The following HLA-DOA variants were observed in gnomAD, a reference collection of about 807,000 sequenced individuals.
The protein encoded by HLA-DOA is major histocompatibility complex, class II, DO alpha.
HLA-DOA carries 27 observed loss-of-function variants against 22.9 expected under a neutral mutation model. That is an observed-to-expected ratio of 1.18 (90% CI 0.87 to 1.62). The LOEUF (loss-of-function observed/expected upper bound fraction) is 1.62, where lower values mean the gene tolerates loss of function less well. HLA-DOA is among the 40% of genes most tolerant of loss of function. HLA-DOA has a pLI of 0.00. For synonymous variants in HLA-DOA, 137 were observed against 138.6 expected (o/e 0.99, Z 0.08); for missense variants, 324 against 332.4 (o/e 0.97, Z 0.20).
rs1197028110 is a variant in HLA-DOA, at chr6:33,004,409, A to G, written c.*2429T>C. ...CCGGGGCTGAGTGCTTGGCAGCCAC[A>G]TTTGTGTTGAGATCTTGATTCCTGC... is the stretch of plus-strand genomic sequence containing the variant. On this transcript the variant is annotated 3_prime_UTR_variant, in exon 5 of 5. Coordinates refer to ENST00000229829, the MANE Select transcript of HLA-DOA (RefSeq NM_002119.4). 3 of 152,210 alleles carry G rather than the reference A, an allele frequency of 2.0e-5. No homozygotes were observed. Among genetic ancestry groups the G allele is most frequent in the Non-Finnish European group, 4.4e-5 (3 of 68,052 alleles). The allele number at this position is 152,210 out of a possible 1,614,324, so 9.4% of individuals were successfully genotyped here. A position where few individuals can be genotyped will look rare whatever the true frequency, so the allele number is the denominator to read the frequency against.
At chr6:33,008,579 G>A (rs1780929213) in intron 1 of HLA-DOA, among the ~76,000 whole-genome samples, 2 of 152,214 alleles carry the variant, frequency 1.3e-5, no homozygotes, top group South Asian at 2.1e-4. Flanking sequence ...CCCTGGCTGT[G>A]TTGTCAGGCC....
chr6:33,009,029 G>C lies in HLA-DOA; in HGVS notation c.82+426C>G, dbSNP rs183277473. Among the ~76,000 whole-genome samples the C allele has an allele frequency of 2.0e-5, 3 of 152,254 alleles. No individual in the cohort carries two copies. The East Asian group carries it at 5.8e-4, about 29-fold the overall frequency. Reference sequence around the variant, plus strand: ...AAAAAGATGAACCATCTGTAGACCCGCACCCCAGCTCATGTCTCCCGAAGA... The same window carrying C: ...AAAAAGATGAACCATCTGTAGACCCCCACCCCAGCTCATGTCTCCCGAAGA... On this transcript the variant is annotated intron_variant, in intron 1 of 4. Transcript: ENST00000229829. The surrounding 1 kb of genome is among the most constrained non-coding windows in gnomAD (Gnocchi z 4.8).
At chr6:33,007,033 T>C in intron 4 of HLA-DOA, 47 bp downstream of exon 4, 3 of 1,579,216 alleles carry the variant, frequency 1.9e-6, no homozygotes, top group Non-Finnish European at 2.6e-6. Flanking sequence ...CTGTTCAGAG[T>C]CATCCACTTT....
Position 33,007,522 on chromosome 6 carries a change from G to A in HLA-DOA, c.402C>T (p.Ile134=), listed in dbSNP as rs965001798. 4.3e-6 allele frequency: 7 copies of A among 1,612,914 alleles called. No individual in the cohort carries two copies. The highest frequency in any genetic ancestry group is 2.7e-5 in the African/African-American group (2 of 74,950). Reference sequence around the variant, plus strand: ...TCACAGGGGGGAAGATGTTGTCCACGATGCAGATGAGGATGTTGGGCTGGC... The same window carrying A: ...TCACAGGGGGGAAGATGTTGTCCACAATGCAGATGAGGATGTTGGGCTGGC... ...ELGQPNILIC[I]VDNIFPPVIN... The change falls in exon 3 of 5, where the codon ATC becomes ATT. Residue 134 remains isoleucine, a synonymous_variant. Coordinates refer to ENST00000229829, the MANE Select transcript of HLA-DOA (RefSeq NM_002119.4).
At chr6:33,008,740 C>T (rs1014292031) in intron 1 of HLA-DOA, among the ~76,000 whole-genome samples, 1 of 151,908 alleles carries the variant, frequency 6.6e-6, no homozygotes, top group East Asian at 1.9e-4. Flanking sequence ...GGTTAGTGAC[C>T]CAGAGACCAA....
chr6:33,008,082 C>G lies in HLA-DOA; in HGVS notation c.262G>C (p.Gly88Arg), dbSNP rs774527905. ...ARFDPQGGLA[G>R]IAAIKAHLDI... ...AGATGGGCTTTGATTGCGGCGATGCCGGCCAGCCCGCCCTGCGGGTCAAAG... is the reference window on the plus strand; with the variant it reads ...AGATGGGCTTTGATTGCGGCGATGCGGGCCAGCCCGCCCTGCGGGTCAAAG... Residue 88 changes from glycine to arginine, a missense_variant, in exon 2 of 5, where the codon GGC becomes CGC. Coordinates refer to ENST00000229829, the MANE Select transcript of HLA-DOA (RefSeq NM_002119.4). 2 of 1,613,042 alleles carry G rather than the reference C, an allele frequency of 1.2e-6. No homozygotes were observed. Among genetic ancestry groups the G allele is most frequent in the East Asian group, 2.2e-5 (1 of 44,882 alleles).
Position 33,007,139 on chromosome 6 carries a change from C to CCG in HLA-DOA, c.689_690insCG (p.Phe232AlafsTer50). 1 of 1,613,938 alleles carries CCG rather than the reference C, an allele frequency of 6.2e-7. No homozygotes were observed. The highest frequency in any genetic ancestry group is 1.1e-5 in the South Asian group (1 of 91,086). On this transcript the variant is annotated frameshift_variant, in exon 4 of 5. Transcript: ENST00000229829. LOFTEE classifies it high-confidence loss of function. ...TGAGGACGGTGCCCACGAGGAAGCCCACCAGGCCGATGGCCAGGCCCAGGG... is the reference window on the plus strand; with the variant it reads ...TGAGGACGGTGCCCACGAGGAAGCCCCGACCAGGCCGATGGCCAGGCCCAGGG...
At position 33,005,852 on chromosome 6, in the gene HLA-DOA, A is replaced by G. The variant is rs1463657802; in HGVS notation, c.*986T>C. 6.6e-6 allele frequency: 1 copy of G among 152,276 alleles called. No homozygotes were observed. The highest frequency in any genetic ancestry group is 1.5e-5 in the Non-Finnish European group (1 of 68,148). The allele number at this position is 152,276 out of a possible 1,614,324, so 9.4% of individuals were successfully genotyped here. ...CCCCTTGGCCTCCCAAAGTGCTGGG[A>G]TTACAGGAATGAGCCACTGCACCAG... On this transcript the variant is annotated 3_prime_UTR_variant, in exon 5 of 5. Coordinates refer to ENST00000229829, the MANE Select transcript of HLA-DOA (RefSeq NM_002119.4).
chr6:33,006,418 G>A lies in HLA-DOA; in HGVS notation c.*420C>T. ...AGGAGGCAAATTTCATGAAGTCCATGTGAAATGGCTCATTCACAAAGTAAC... is the reference window on the plus strand; with the variant it reads ...AGGAGGCAAATTTCATGAAGTCCATATGAAATGGCTCATTCACAAAGTAAC... On this transcript the variant is annotated 3_prime_UTR_variant, in exon 5 of 5. Coordinates refer to ENST00000229829, the MANE Select transcript of HLA-DOA (RefSeq NM_002119.4). 3.4e-6 allele frequency: 1 copy of A among 292,710 alleles called. No individual in the cohort carries two copies. Among genetic ancestry groups the A allele is most frequent in the South Asian group, 5.4e-5 (1 of 18,360 alleles). 18.1% of individuals were successfully genotyped at this position (292,710 alleles called of 1,614,324 possible).
intron 2 of HLA-DOA, 104 bp downstream of exon 2, chr6:33,007,909 G>T: frequency 1.4e-6 from 2 of 1,397,128 alleles, no homozygotes; most frequent in Non-Finnish European, 1.9e-6. Flanking sequence ...CATGACAGGC[G>T]CGGGCGCTGA....
In HLA-DOA at chr6:33,005,799, T is replaced by C. The variant is rs1338304974; in HGVS notation, c.*1039A>G. The C allele has an allele frequency of 6.6e-6, 1 of 152,146 alleles. No individual in the cohort carries two copies. Among genetic ancestry groups the C allele is most frequent in the African/African-American group, 2.4e-5 (1 of 41,436 alleles). The allele number at this position is 152,146 out of a possible 1,614,324, so 9.4% of individuals were successfully genotyped here. A position where few individuals can be genotyped will look rare whatever the true frequency, so the allele number is the denominator to read the frequency against. ...TCTCTCTATGTAGCCCAAGATGGTT[T>C]CCACCTCTTGGCCTCAAGCAGTCCT... On this transcript the variant is annotated 3_prime_UTR_variant, in exon 5 of 5. Transcript: ENST00000229829.
Position 33,009,106 on chromosome 6 carries a change from G to C in HLA-DOA, c.82+349C>G, listed in dbSNP as rs1411288197. Among the ~76,000 whole-genome samples the C allele has an allele frequency of 6.6e-6, 1 of 152,194 alleles. No homozygotes were observed. Among genetic ancestry groups the C allele is most frequent in the Non-Finnish European group, 1.5e-5 (1 of 68,036 alleles). ...CGGCATGGGCATAAATACTGCAACA[G>C]AACTGGACTTGATCGGGCACATTCC... On this transcript the variant is annotated intron_variant, in intron 1 of 4. Transcript: ENST00000229829. This position sits in a 1 kb window ranked among gnomAD's most constrained non-coding sequence, Gnocchi z 4.8.
rs753401888 is a variant in HLA-DOA at position 33,006,841 on chromosome 6, C to T, written c.750G>A (p.Arg250=). Residue 250 remains arginine, a splice_region_variant and synonymous_variant, in exon 5 of 5, where the codon AGG becomes AGA. Transcript: ENST00000229829. The stretch of plus-strand genomic sequence containing the variant: ...GTCATTTCTCTCAGAAGGATCATTA[C>T]CTAAAATAGCAGAAAACATACGATC... ...IMGTYVSSVP[R] is the part of the protein sequence containing the mutation. The T allele has an allele frequency of 7.5e-6, 12 of 1,610,596 alleles. No individual in the cohort carries two copies. In the South Asian group the frequency reaches 1.3e-4, roughly 18 times the overall value.
At chr6:33,008,285 A>T (rs1466291173) in intron 1 of HLA-DOA, 24 bp from the exon 2 acceptor site, 5 of 1,604,942 alleles carry the variant, frequency 3.1e-6, no homozygotes, top group Non-Finnish European at 4.3e-6. Context: ...GTTCAGGGTC[A>T]AGGAGAGAGA....
At chr6:33,008,411 G>C in intron 1 of HLA-DOA, 150 bp from the exon 2 acceptor site, 1 of 1,446,382 alleles carries the variant, frequency 6.9e-7, no homozygotes, top group Non-Finnish European at 9.0e-7. Flanking sequence ...GGCCCTGGGA[G>C]AGAGAAAGGG....
In HLA-DOA at chr6:33,006,569, C is replaced by T. The variant is rs901933597; in HGVS notation, c.*269G>A. The T allele has an allele frequency of 8.2e-6, 5 of 608,912 alleles. No homozygotes were observed. Among genetic ancestry groups the T allele is most frequent in the African/African-American group, 5.5e-5 (3 of 54,334 alleles). 37.7% of individuals were successfully genotyped at this position (608,912 alleles called of 1,614,324 possible). ...CCTGGAAAGGACACAGTGCAAACAC[C>T]ACCAAAGCATTTAGTGCTGCCAGCC... On this transcript the variant is annotated 3_prime_UTR_variant, in exon 5 of 5. Transcript: ENST00000229829.
rs188923832 is a variant in HLA-DOA, at chr6:33,006,373, T to C, written c.*465A>G. The C allele has an allele frequency of 3.0e-3, 742 of 249,580 alleles. 8 individuals are homozygous for C. Among genetic ancestry groups the C allele is most frequent in the South Asian group, 0.018 (287 of 15,782 alleles). 15.5% of individuals were successfully genotyped at this position (249,580 alleles called of 1,614,324 possible). A position where few individuals can be genotyped will look rare whatever the true frequency, so the allele number is the denominator to read the frequency against. On this transcript the variant is annotated 3_prime_UTR_variant, in exon 5 of 5. Transcript: ENST00000229829. ...GAGGAACAGGATAATCTGCATCCCT[T>C]TCAGGGTAAACCTGAACTCAGGAGG...
In HLA-DOA at chr6:33,009,453, A is replaced by T. The variant is rs775014023; in HGVS notation, c.82+2T>A. On this transcript the variant is annotated splice_donor_variant, in intron 1 of 4. Coordinates refer to ENST00000229829, the MANE Select transcript of HLA-DOA (RefSeq NM_002119.4). LOFTEE classifies it high-confidence loss of function. The surrounding 1 kb of genome is among the most constrained non-coding windows in gnomAD (Gnocchi z 4.8). ...CCGCACCCTCCTCGCCCTCGCACTC[A>T]CCCTTGGTGGCCCCTGCCTCCTGCG... The T allele has an allele frequency of 6.3e-7, 1 of 1,593,134 alleles. No homozygotes were observed. Among genetic ancestry groups the T allele is most frequent in the Admixed American group, 1.7e-5 (1 of 58,118 alleles).
chr6:33,005,883 T>C lies in HLA-DOA; in HGVS notation c.*955A>G, dbSNP rs1256629628. 6.6e-6 allele frequency: 1 copy of C among 152,264 alleles called. No homozygotes were observed. The highest frequency in any genetic ancestry group is 1.5e-5 in the Non-Finnish European group (1 of 68,092). 9.4% of individuals were successfully genotyped at this position (152,264 alleles called of 1,614,324 possible). Reference sequence around the variant, plus strand: ...GGAATGAGCCACTGCACCAGGCCAATGCCTGTACTTTTAAAAGGATCCCAA... The same window carrying C: ...GGAATGAGCCACTGCACCAGGCCAACGCCTGTACTTTTAAAAGGATCCCAA... On this transcript the variant is annotated 3_prime_UTR_variant, in exon 5 of 5. Transcript: ENST00000229829.
Sources: gnomAD v4.1 joint callset for allele counts (sites outside exome capture counted in the v4.1 genomes callset) on GRCh38, gnomAD v4.1.1 for gene constraint, Gnocchi (gnomAD v3.1) non-coding constraint, MANE v1.5 for transcripts, NCBI Gene and HGNC (gene_info 2026-07-23, HGNC 2026-07-21) for gene names.